Variants in DSCAM observed in about 807,000 individuals in gnomAD.
DSCAM encodes cell adhesion molecule DSCAM.
DSCAM carries 47 observed loss-of-function variants against 217.7 expected under a neutral mutation model. The ratio of observed to expected loss-of-function variants is 0.22; its 90% CI spans 0.17 to 0.28. The LOEUF (loss-of-function observed/expected upper bound fraction) is 0.28, where lower values mean the gene tolerates loss of function less well. DSCAM is among the 10% of genes least tolerant of loss of function. The pLI is 1.00. For missense variants in DSCAM, 2,080 were observed against 2,618.3 expected (o/e 0.79, Z 4.49); for synonymous variants, 1,056 against 1,015.3 (o/e 1.04, Z -0.76).
At chr21:40,530,279 C>T (rs984715930) in intron 3 of DSCAM, among the ~76,000 whole-genome samples, 10 of 152,182 alleles carry the variant, frequency 6.6e-5, no homozygotes, top group African/African-American at 2.2e-4. Flanking sequence ...GTTTAAGTCA[C>T]ATACAGATTT....
chr21:40,315,439 A>G (rs553161699), intron 8 of DSCAM, among the ~76,000 whole-genome samples: 30 of 152,050 alleles, frequency 2.0e-4, no homozygotes, highest in African/African-American at 7.0e-4. Context: ...TGTAGGTTGT[A>G]AATAATTGTA....
chr21:40,092,771 T>G (rs908614685), intron 21 of DSCAM, among the ~76,000 whole-genome samples: 2 of 152,212 alleles, frequency 1.3e-5, no homozygotes, highest in Non-Finnish European at 2.9e-5. Flanking sequence ...CTGGATATCA[T>G]GACCAAAGAG....
chr21:40,783,428 T>C (rs1048970343), intron 1 of DSCAM, among the ~76,000 whole-genome samples: 2 of 152,166 alleles, frequency 1.3e-5, no homozygotes, highest in African/African-American at 4.8e-5. Flanking sequence ...ACTATCTGCA[T>C]GTGTGTGTAC....
intron 3 of DSCAM, among the ~76,000 whole-genome samples, chr21:40,632,095 C>T (rs180941862): frequency 6.6e-6 from 1 of 152,296 alleles, no homozygotes; most frequent in African/African-American, 2.4e-5. Flanking sequence ...AAGGGTAGTG[C>T]CCTGGGCATG....
intron 3 of DSCAM, among the ~76,000 whole-genome samples, chr21:40,426,927 G>C (rs554374603): frequency 9.9e-5 from 15 of 152,186 alleles, no homozygotes; most frequent in Admixed American, 7.9e-4. Flanking sequence ...AAAAAATCTA[G>C]TGTGCAAGGG....
intron 1 of DSCAM, among the ~76,000 whole-genome samples, chr21:40,765,129 T>G (rs1274032888): frequency 6.6e-6 from 1 of 151,654 alleles, no homozygotes; most frequent in Non-Finnish European, 1.5e-5. Flanking sequence ...GTCAGAAAGT[T>G]CTGTGGAACC....
At chr21:40,290,918 A>G (rs2073884018) in intron 10 of DSCAM, among the ~76,000 whole-genome samples, 1 of 152,264 alleles carries the variant, frequency 6.6e-6, no homozygotes, top group Non-Finnish European at 1.5e-5. Context: ...AGAACAGAAC[A>G]TAGAGGGTCT....
At chr21:40,298,858 T>G (rs2123455027) in intron 9 of DSCAM, among the ~76,000 whole-genome samples, 1 of 152,262 alleles carries the variant, frequency 6.6e-6, no homozygotes, top group East Asian at 1.9e-4. Flanking sequence ...TCCCCTCAAT[T>G]TGGTTCTAAT....
intron 4 of DSCAM, among the ~76,000 whole-genome samples, chr21:40,354,926 AAG>A (rs1391443504): frequency 6.6e-6 from 1 of 152,024 alleles, no homozygotes; most frequent in Non-Finnish European, 1.5e-5. Flanking sequence ...TATTGCACAA[AAG>A]AGTTTTACAC....
intron 3 of DSCAM, among the ~76,000 whole-genome samples, chr21:40,579,905 C>T (rs1399476539): frequency 6.6e-6 from 1 of 152,018 alleles, no homozygotes; most frequent in East Asian, 1.9e-4. Flanking sequence ...AGAAGGTGGG[C>T]ATTCAGCCAT....
chr21:40,130,195 C>A (rs745793927), intron 19 of DSCAM, among the ~76,000 whole-genome samples: 2 of 152,182 alleles, frequency 1.3e-5, no homozygotes, highest in East Asian at 3.8e-4. Flanking sequence ...TAATAGATTG[C>A]ATTTTGTTTG....
chr21:40,845,468 C>G (rs548549277), intron 1 of DSCAM, among the ~76,000 whole-genome samples: 1 of 151,978 alleles, frequency 6.6e-6, no homozygotes, highest in African/African-American at 2.4e-5. Flanking sequence ...CTTAGAGCCT[C>G]CCCTTTGCTT....
chr21:40,612,835 G>A (rs1171293462), intron 3 of DSCAM, among the ~76,000 whole-genome samples: 1 of 152,116 alleles, frequency 6.6e-6, no homozygotes, highest in Admixed American at 6.5e-5. Context: ...CACACTGAGA[G>A]GTCACCCTGA....
intron 11 of DSCAM, among the ~76,000 whole-genome samples, chr21:40,226,803 A>T (rs1190933490): frequency 6.6e-6 from 1 of 152,028 alleles, no homozygotes; most frequent in Admixed American, 6.6e-5. Context: ...TATGCAGGTA[A>T]ACTTGTGTCA....
Position 40,276,254 on chromosome 21 carries a change from C to G in DSCAM, c.2199G>C (p.Gln733His), listed in dbSNP as rs981314585. 2 of 1,602,244 alleles carry G rather than the reference C, an allele frequency of 1.2e-6. No individual in the cohort carries two copies. Among genetic ancestry groups the G allele is most frequent in the Non-Finnish European group, 1.7e-6 (2 of 1,175,582 alleles). Residue 733 changes from glutamine (Q) to histidine (H), a missense_variant, in exon 11 of 33, where the codon CAG becomes CAC. By Grantham distance (24) the Gln-to-His change is conservative. Coordinates refer to ENST00000400454, the MANE Select transcript of DSCAM (RefSeq NM_001389.5). ...WKFSKGAGVPQFQPIALNGRI... is the reference protein window; with the variant it reads ...WKFSKGAGVPHFQPIALNGRI... ...GGCCATTTAGGGCAATTGGCTGGAA[C>G]TGGGGAACCCCAGCACCTGAGACAG... is the stretch of plus-strand genomic sequence containing the variant.
intron 20 of DSCAM, among the ~76,000 whole-genome samples, chr21:40,097,954 A>AAAGAAAG (rs2089698628): frequency 7.8e-5 from 4 of 51,518 alleles, no homozygotes; most frequent in African/African-American, 8.2e-5. Context: ...AAAAAAAAAA[A>AAAGAAAG]AAAGAAAGAA....
intron 3 of DSCAM, among the ~76,000 whole-genome samples, chr21:40,670,899 A>G (rs987510566): frequency 6.6e-6 from 1 of 152,200 alleles, no homozygotes; most frequent in African/African-American, 2.4e-5. Context: ...ATCAACTCAA[A>G]CAAACAGAAG....
intron 18 of DSCAM, among the ~76,000 whole-genome samples, chr21:40,135,424 A>G (rs1382713073): frequency 6.6e-6 from 1 of 152,186 alleles, no homozygotes; most frequent in Non-Finnish European, 1.5e-5. Context: ...TTTGCAACCC[A>G]TTCATTTTAC....
intron 3 of DSCAM, among the ~76,000 whole-genome samples, chr21:40,414,096 A>G (rs567523834): frequency 3.7e-4 from 56 of 152,318 alleles, no homozygotes; most frequent in African/African-American, 1.3e-3. Flanking sequence ...GACAAAAATA[A>G]TTTGAGCTAT....
Sources: gnomAD v4.1 joint callset for allele counts (sites outside exome capture counted in the v4.1 genomes callset) on GRCh38, gnomAD v4.1.1 for gene constraint, MANE v1.5 for transcripts, NCBI Gene and HGNC (gene_info 2026-07-23, HGNC 2026-07-21) for gene names.